ZNF335: variants seen among roughly 807,000 people sequenced by gnomAD.
ZNF335 encodes NRC-interacting factor 1.
ZNF335 carries 84 observed loss-of-function variants against 145.6 expected under a neutral mutation model. The observed-to-expected ratio is 0.58, with a 90% confidence interval of 0.48 to 0.69. ZNF335 has a LOEUF of 0.69. Among genes scored for constraint, ZNF335 ranks in the 30% least tolerant of loss-of-function variants. The pLI is 0.00. For synonymous variants in ZNF335, 761 were observed against 717.0 expected, an observed-to-expected ratio of 1.06 and a Z score of -0.98; for missense variants, 1,865 against 1,809.7, an observed-to-expected ratio of 1.03 and a Z score of -0.55.
chr20:45,957,090 G>A (rs907712635), intron 17 of ZNF335, among the ~76,000 whole-genome samples: 3 of 152,134 alleles, frequency 2.0e-5, no homozygotes, highest in African/African-American at 7.2e-5. Flanking sequence ...AACGGGGAGG[G>A]CAGGGAGGGG....
Position 45,959,236 on chromosome 20 carries a change from G to A in ZNF335, c.2218C>T (p.Pro740Ser). 2 of 1,443,554 alleles carry A rather than the reference G, an allele frequency of 1.4e-6. No individual in the cohort carries two copies. Among genetic ancestry groups the A allele is most frequent in the Non-Finnish European group, 1.8e-6 (2 of 1,084,710 alleles). The allele number at this position is 1,443,554 out of a possible 1,614,324, so 89.4% of individuals were successfully genotyped here. A position where few individuals can be genotyped will look rare whatever the true frequency, so the allele number is the denominator to read the frequency against. The change falls in exon 15 of 28, where the codon CCT becomes TCT. Residue 740 changes from proline to serine, a missense_variant. Pro to Ser is a moderately conservative substitution (Grantham distance 74, BLOSUM62 -1). Coordinates refer to ENST00000322927, the MANE Select transcript of ZNF335 (RefSeq NM_022095.4). ...CCTGGGGAACTGGGAGGTGGTCCAG[G>A]GGCCGCACTGTGCTGCTGCTTCAGC... ...EELKQQHSAA[P>S]GPPPSSPGPP... is the part of the protein sequence containing the mutation.
At chr20:45,967,713 G>T (rs1200701130) in intron 5 of ZNF335, 21 bp downstream of exon 5, 6 of 1,608,256 alleles carry the variant, frequency 3.7e-6, no homozygotes. Context: ...AGTCCAAGCA[G>T]GTAGGCTGCT....
At chr20:45,971,054 G>A (rs973812065) in intron 2 of ZNF335, among the ~76,000 whole-genome samples, 156 bp downstream of exon 2, 1 of 152,238 alleles carries the variant, frequency 6.6e-6, no homozygotes, top group East Asian at 1.9e-4. Flanking sequence ...AAGCTCAAAT[G>A]AGAAAATCCA....
intron 25 of ZNF335, 26 bp downstream of exon 25, chr20:45,949,458 AG>A: frequency 1.2e-6 from 2 of 1,613,962 alleles, no homozygotes; most frequent in Non-Finnish European, 1.7e-6. Context: ...TTCACCACAC[AG>A]CACCCTCATC....
At chr20:45,965,526 C>A in intron 7 of ZNF335, 102 bp downstream of exon 7, 1 of 1,403,424 alleles carries the variant, frequency 7.1e-7, no homozygotes, top group Non-Finnish European at 9.5e-7. Context: ...GAGACAGCTG[C>A]CCTGCAGGGC....
At position 45,968,394 on chromosome 20, in the gene ZNF335, T is replaced by G. The variant is rs148490233; in HGVS notation, c.443-32A>C. 1.8e-4 allele frequency: 293 copies of G among 1,592,946 alleles called. No individual in the cohort carries two copies. The African/African-American group carries it at 3.6e-3, about 19-fold the overall frequency. ...AGAGATGGGGAAGGGTCACACCTCCTGGGGAGGGGGTCCCAGCAACAGGCC... is the reference window on the plus strand; with the variant it reads ...AGAGATGGGGAAGGGTCACACCTCCGGGGGAGGGGGTCCCAGCAACAGGCC... On this transcript the variant is annotated intron_variant, in intron 3 of 27. Coordinates refer to ENST00000322927, the MANE Select transcript of ZNF335 (RefSeq NM_022095.4).
In ZNF335 at chr20:45,963,562, A is replaced by C; in HGVS notation, c.1444T>G (p.Phe482Val). 6.2e-7 allele frequency: 1 copy of C among 1,614,218 alleles called. No homozygotes were observed. The highest frequency in any genetic ancestry group is 8.5e-7 in the Non-Finnish European group (1 of 1,180,032). Residue 482 changes from phenylalanine to valine, a missense_variant, in exon 9 of 28, where the codon TTC becomes GTC. Transcript: ENST00000322927. ...CCAGCCTCATGGGAGTTGACGTGGA[A>C]GCGCAGGTCCTCGTGGGACAGAAAG... ...SRFLSHEDLR[F>V]HVNSHEAGDP... is the part of the protein sequence containing the mutation.
At position 45,952,509 on chromosome 20, in the gene ZNF335, C is replaced by T; in HGVS notation, c.2827G>A (p.Gly943Ser). Residue 943 changes from glycine (G) to serine (S), a missense_variant, in exon 20 of 28, where the codon GGC (glycine) becomes AGC (serine). Transcript: ENST00000322927. ...QLHHIELTAD[G>S]SISFPSPDAL... is the part of the protein sequence containing the mutation. The stretch of plus-strand genomic sequence containing the variant: ...TCTGGACTTGGGAAGGAGATGGAGC[C>T]ATCTGCGGTGAGCTGTAGAGAGACA... The T allele has an allele frequency of 6.3e-7, 1 of 1,577,842 alleles. No homozygotes were observed. Among genetic ancestry groups the T allele is most frequent in the Middle Eastern group, 1.7e-4 (1 of 5,880 alleles).
intron 17 of ZNF335, among the ~76,000 whole-genome samples, chr20:45,954,723 C>T (rs2083694649): frequency 1.3e-5 from 2 of 150,124 alleles, no homozygotes; most frequent in African/African-American, 4.9e-5. Flanking sequence ...AAAATGGTCT[C>T]TGAACATACA....
In ZNF335 at chr20:45,949,517, A is replaced by G; in HGVS notation, c.3721T>C (p.Tyr1241His). 6.2e-7 allele frequency: 1 copy of G among 1,613,588 alleles called. No homozygotes were observed. Among genetic ancestry groups the G allele is most frequent in the Non-Finnish European group, 8.5e-7 (1 of 1,179,918 alleles). Residue 1241 changes from tyrosine to histidine, a missense_variant, in exon 25 of 28, where the codon TAT becomes CAT. Physicochemically the swap from Tyr to His is moderately conservative, Grantham distance 83. Transcript: ENST00000322927. ...TGATGGCCTTCAGGGACCACAACAT[A>G]TTCCTGGGGGAGCAGGTGCTGGACA... Reference protein sequence around the residue: ...DGVQHLLPQEYVVVPEGHHIQ... With the variant: ...DGVQHLLPQEHVVVPEGHHIQ...
intron 14 of ZNF335, 101 bp downstream of exon 14, chr20:45,960,107 G>C (rs1406860652): frequency 2.2e-6 from 3 of 1,362,878 alleles, no homozygotes; most frequent in Non-Finnish European, 3.0e-6. Context: ...TCTGTGGCTG[G>C]GGCTACCGAG....
intron 22 of ZNF335, 71 bp from the exon 23 acceptor site, chr20:45,950,140 CAGTG>C: frequency 2.5e-6 from 4 of 1,598,506 alleles, no homozygotes; most frequent in Non-Finnish European, 3.4e-6. Flanking sequence ...CTACTGTACC[CAGTG>C]GTGCCTTTTG....
At position 45,949,358 on chromosome 20, in the gene ZNF335, C is replaced by T; in HGVS notation, c.3794G>A (p.Gly1265Glu). The T allele has an allele frequency of 6.2e-7, 1 of 1,614,140 alleles. No homozygotes were observed. Among genetic ancestry groups the T allele is most frequent in the Non-Finnish European group, 8.5e-7 (1 of 1,180,040 alleles). ...GQITHIQYEQ[G>E]APFLQESQIQ... ...CTGGGACTCCTGAAGGAACGGGGCT[C>T]CTTGTTCATACTGGATGTGTGTGAT... is the stretch of plus-strand genomic sequence containing the variant. Residue 1265 changes from glycine to glutamate, a missense_variant, in exon 26 of 28, where the codon GGA becomes GAA. Transcript: ENST00000322927.
Position 45,952,314 on chromosome 20 carries a change from G to C in ZNF335, c.3022C>G (p.Pro1008Ala), listed in dbSNP as rs375683564. 10 of 1,613,400 alleles carry C rather than the reference G, an allele frequency of 6.2e-6. No individual in the cohort carries two copies. The highest frequency in any genetic ancestry group is 8.5e-6 in the Non-Finnish European group (10 of 1,180,000). The change falls in exon 20 of 28, where the codon CCG (proline) becomes GCG (alanine). Residue 1008 changes from proline (P) to alanine (A), a missense_variant. By Grantham distance (27) the Pro-to-Ala change is conservative. Transcript: ENST00000322927. ...GATGCAGCAGTGGCTGCAGATGGCG[G>C]TGACGGGGGCACTGCCAGGCCCAGG... is the stretch of plus-strand genomic sequence containing the variant. ...KALGLAVPPS[P>A]PSAATAASKK...
Position 45,965,694 on chromosome 20 carries a change from T to C in ZNF335, c.1036A>G (p.Arg346Gly). The change falls in exon 7 of 28, where the codon AGG becomes GGG. Residue 346 changes from arginine (R) to glycine (G), a missense_variant. By Grantham distance (125) the Arg-to-Gly change is moderately radical. Coordinates refer to ENST00000322927, the MANE Select transcript of ZNF335 (RefSeq NM_022095.4). ...GGCCGGCCAGGTCTCCTTCGGGGCC[T>C]TGGGGTACTGGGGGTGGGGCGCTGG... ...RLQRPTPSTP[R>G]PRRRPGRPRK... The C allele has an allele frequency of 6.2e-7, 1 of 1,603,378 alleles. No individual in the cohort carries two copies. The highest frequency in any genetic ancestry group is 1.1e-5 in the South Asian group (1 of 90,586).
intron 6 of ZNF335, chr20:45,966,794 C>A (rs1246151682): frequency 6.6e-6 from 1 of 151,604 alleles, no homozygotes; most frequent in Non-Finnish European, 1.5e-5. Context: ...CTCAAGTAAT[C>A]TGCCCGCCTC....
rs1280202564 is a variant in ZNF335 at position 45,950,378 on chromosome 20, G to A, written c.3333-5C>T. ...AGGTGCCCGTTACGGTTGAAACTGA[G>A]GGGGATGAAAGGTGGCTCAGGTTAG... On this transcript the variant is annotated splice_region_variant and splice_polypyrimidine_tract_variant and intron_variant, in intron 21 of 27. Coordinates refer to ENST00000322927, the MANE Select transcript of ZNF335 (RefSeq NM_022095.4). 3.1e-6 allele frequency: 5 copies of A among 1,604,040 alleles called. No homozygotes were observed. The South Asian group carries it at 5.5e-5, about 18-fold the overall frequency.
chr20:45,967,570 C>A lies in ZNF335; in HGVS notation c.879G>T (p.Lys293Asn). 6.2e-7 allele frequency: 1 copy of A among 1,614,082 alleles called. No individual in the cohort carries two copies. Among genetic ancestry groups the A allele is most frequent in the Non-Finnish European group, 8.5e-7 (1 of 1,180,030 alleles). ...GRLRKWSTST[K>N]SQEEEGPEEE... ...CCTCTGGTCCCTCTTCCTCTTGGCT[C>A]TTGGTGGAGGTGCTCCACTTCCGTA... The change falls in exon 6 of 28, where the codon AAG becomes AAT. Residue 293 changes from lysine (K) to asparagine (N), a missense_variant. Lys to Asn is a moderately conservative substitution (Grantham distance 94). Transcript: ENST00000322927.
chr20:45,968,185 T>C lies in ZNF335; in HGVS notation c.520+100A>G, dbSNP rs2083996292. 13 of 1,506,632 alleles carry C rather than the reference T, an allele frequency of 8.6e-6. 1 individual carries two copies. In the South Asian group the frequency reaches 1.5e-4, roughly 18 times the overall value. 93.3% of individuals were successfully genotyped at this position (1,506,632 alleles called of 1,614,324 possible). ...GAAAACTGAGACCCAGAGCAGTGGA[T>C]ACCCAGCCAGGGCCACAGACGGAAT... On this transcript the variant is annotated intron_variant, in intron 4 of 27. Coordinates refer to ENST00000322927, the MANE Select transcript of ZNF335 (RefSeq NM_022095.4).
Sources: gnomAD v4.1 joint callset for allele counts (sites outside exome capture counted in the v4.1 genomes callset) on GRCh38, gnomAD v4.1.1 for gene constraint, MANE v1.5 for transcripts, NCBI Gene and HGNC (gene_info 2026-07-23, HGNC 2026-07-21) for gene names.